Variants in FSBP observed in about 807,000 individuals in gnomAD.
FSBP encodes fibrinogen silencer binding protein.
FSBP carries 18 observed loss-of-function variants against 24.6 expected under a neutral mutation model. That is an observed-to-expected ratio of 0.73 (90% CI 0.51 to 1.08). The LOEUF (loss-of-function observed/expected upper bound fraction) is 1.08. Ranked by LOEUF, FSBP falls within the 50% of genes least tolerant of loss-of-function variation. The pLI, the probability that FSBP is intolerant of heterozygous loss-of-function variation, is 0.00. For synonymous variants in FSBP, 110 were observed against 125.8 expected (o/e 0.87, Z 0.84); for missense variants, 305 against 347.6 (o/e 0.88, Z 0.98).
Position 94,429,957 on chromosome 8 carries a change from A to C in FSBP, c.*2174T>G, listed in dbSNP as rs1380641812. The C allele has an allele frequency of 2.7e-5, 27 of 985,226 alleles. No homozygotes were observed. Among genetic ancestry groups the C allele is most frequent in the Non-Finnish European group, 3.3e-5 (27 of 829,916 alleles). The allele number at this position is 985,226 out of a possible 1,614,324, so 61.0% of individuals were successfully genotyped here. On this transcript the variant is annotated 3_prime_UTR_variant, in exon 2 of 2. Coordinates refer to ENST00000481490, the MANE Select transcript of FSBP (RefSeq NM_001256141.2). ...TCCTCCTAAATCACAACTATAATCA[A>C]ATTAGCCCTCTAATTCAAAGCATTC...
chr8:94,427,749 T>C lies in FSBP; in HGVS notation c.*4382A>G, dbSNP rs1811978705. The C allele has an allele frequency of 1.0e-6, 1 of 977,148 alleles. No individual in the cohort carries two copies. The highest frequency in any genetic ancestry group is 5.3e-4 in the Middle Eastern group (1 of 1,902). 60.5% of individuals were successfully genotyped at this position (977,148 alleles called of 1,614,324 possible). A position where few individuals can be genotyped will look rare whatever the true frequency, so the allele number is the denominator to read the frequency against. On this transcript the variant is annotated 3_prime_UTR_variant, in exon 2 of 2. Transcript: ENST00000481490. ...AGTATCTTGTATTTAAAAGAACATG[T>C]GTTAACAAAGCATTTAACCATCATT... is the stretch of plus-strand genomic sequence containing the variant.
intron 1 of FSBP, among the ~76,000 whole-genome samples, chr8:94,433,937 T>C (rs1429429046): frequency 6.6e-6 from 1 of 151,794 alleles, no homozygotes; most frequent in African/African-American, 2.4e-5. Flanking sequence ...ACTAATGCCA[T>C]TAAATTGCCA....
At chr8:94,434,769 AG>A (rs3136411) in intron 1 of FSBP, among the ~76,000 whole-genome samples, 15 of 151,832 alleles carry the variant, frequency 9.9e-5, no homozygotes, top group African/African-American at 3.6e-4. Flanking sequence ...AGAATTTAAA[AG>A]GCATGTTTCT....
chr8:94,436,460 C>T, intron 1 of FSBP, 35 bp downstream of exon 1: 3 of 1,494,840 alleles, frequency 2.0e-6, no homozygotes, highest in Non-Finnish European at 2.7e-6. Flanking sequence ...TAGGAGGCGC[C>T]ATAATTTTCC....
intron 1 of FSBP, among the ~76,000 whole-genome samples, chr8:94,434,640 CTT>C (rs1182603857): frequency 6.6e-6 from 1 of 151,400 alleles, no homozygotes; most frequent in Non-Finnish European, 1.5e-5. Flanking sequence ...TAATTATAAA[CTT>C]CTGAGATTAT....
Position 94,428,338 on chromosome 8 carries a change from C to G in FSBP, c.*3793G>C. 1 of 982,894 alleles carries G rather than the reference C, an allele frequency of 1.0e-6. No individual in the cohort carries two copies. The highest frequency in any genetic ancestry group is 1.2e-6 in the Non-Finnish European group (1 of 827,666). 60.9% of individuals were successfully genotyped at this position (982,894 alleles called of 1,614,324 possible). On this transcript the variant is annotated 3_prime_UTR_variant, in exon 2 of 2. Transcript: ENST00000481490. ...CAATTGTCTATGATATGCAAGATGT[C>G]TGGTGGCTTAAGTGTATAGTCATCC...
chr8:94,432,263 A>T lies in FSBP; in HGVS notation c.768T>A (p.Tyr256Ter). ...TCAATCCATCCCTCTTCTCCTGAAC[A>T]TACAATCCAAAATTTTTTTGATTTT... ...ILENQKNFGL[Y>*]VQEKRDGLKR... The change falls in exon 2 of 2, where the codon TAT becomes TAA. Residue 256 changes from tyrosine to a stop codon, truncating the protein, a stop_gained. Transcript: ENST00000481490. LOFTEE classifies it high-confidence loss of function. 1.3e-6 allele frequency: 2 copies of T among 1,550,326 alleles called. No individual in the cohort carries two copies. Among genetic ancestry groups the T allele is most frequent in the African/African-American group, 1.4e-5 (1 of 73,122 alleles).
chr8:94,433,647 A>G (rs191187671), intron 1 of FSBP, among the ~76,000 whole-genome samples: 11 of 151,982 alleles, frequency 7.2e-5, no homozygotes, highest in Non-Finnish European at 8.8e-5. Flanking sequence ...TTTTATAAAC[A>G]TAATTTTATG....
chr8:94,430,120 T>C lies in FSBP; in HGVS notation c.*2011A>G. ...CGAGGTCAGGAGATCAAGACCATCC[T>C]GGCTAACACAGTGAAACCCCGTCTC... On this transcript the variant is annotated 3_prime_UTR_variant, in exon 2 of 2. Coordinates refer to ENST00000481490, the MANE Select transcript of FSBP (RefSeq NM_001256141.2). 1.3e-6 allele frequency: 1 copy of C among 749,834 alleles called. No homozygotes were observed. The highest frequency in any genetic ancestry group is 6.1e-5 in the South Asian group (1 of 16,492). 46.4% of individuals were successfully genotyped at this position (749,834 alleles called of 1,614,324 possible).
At chr8:94,432,919 C>T (rs1812151415) in intron 1 of FSBP, among the ~76,000 whole-genome samples, 1 of 151,886 alleles carries the variant, frequency 6.6e-6, no homozygotes, top group African/African-American at 2.4e-5. Context: ...TTATAGAAGG[C>T]CAATGAAGAA....
At position 94,432,155 on chromosome 8, in the gene FSBP, A is replaced by G; in HGVS notation, c.876T>C (p.Asp292=). Residue 292 remains aspartate, a synonymous_variant, in exon 2 of 2, where the codon GAT becomes GAC. Transcript: ENST00000481490. The stretch of plus-strand genomic sequence containing the variant: ...CTTAGAGACTGTTATATTCAGGTAG[A>G]TCATGCCGTAAGCGAATTGCTTTCA... ...EKLKAIRLRH[D]LPEYNSL The G allele has an allele frequency of 6.5e-7, 1 of 1,549,994 alleles. No homozygotes were observed. Among genetic ancestry groups the G allele is most frequent in the East Asian group, 2.4e-5 (1 of 40,896 alleles).
At chr8:94,435,628 G>A (rs1026346010) in intron 1 of FSBP, among the ~76,000 whole-genome samples, 1 of 152,030 alleles carries the variant, frequency 6.6e-6, no homozygotes, top group African/African-American at 2.4e-5. Context: ...ATCTGAATTA[G>A]TGGCAAGATA....
rs573396265 is a variant in FSBP at position 94,429,848 on chromosome 8, A to G, written c.*2283T>C. 3.7e-4 allele frequency: 361 copies of G among 985,368 alleles called. No homozygotes were observed. Among genetic ancestry groups the G allele is most frequent in the Non-Finnish European group, 4.3e-4 (353 of 829,900 alleles). The allele number at this position is 985,368 out of a possible 1,614,324, so 61.0% of individuals were successfully genotyped here. A position where few individuals can be genotyped will look rare whatever the true frequency, so the allele number is the denominator to read the frequency against. On this transcript the variant is annotated 3_prime_UTR_variant, in exon 2 of 2. Transcript: ENST00000481490. Reference sequence around the variant, plus strand: ...GTCAACATGCTAAAATAGTACCTTGAGTTCATTTTTTTCTATTTCTATAGC... The same window carrying G: ...GTCAACATGCTAAAATAGTACCTTGGGTTCATTTTTTTCTATTTCTATAGC...
rs1023217179 is a variant in FSBP at position 94,432,417 on chromosome 8, G to A, written c.614C>T (p.Ser205Leu). ...SLSSVDMRMT[S>L]SPSSIPRRDD... ...TCTCCTTGGAATAGAAGATGGAGAC[G>A]ATGTCATTCTCATATCAACAGAGGA... Residue 205 changes from serine (S) to leucine (L), a missense_variant, in exon 2 of 2, where the codon TCG becomes TTG. Physicochemically the swap from Ser to Leu is moderately radical, Grantham distance 145 (BLOSUM62 -2). Coordinates refer to ENST00000481490, the MANE Select transcript of FSBP (RefSeq NM_001256141.2). 9 of 1,550,292 alleles carry A rather than the reference G, an allele frequency of 5.8e-6. 1 individual carries two copies. In the Admixed American group the frequency reaches 5.9e-5, roughly 10 times the overall value.
chr8:94,436,929 A>G lies in FSBP; in HGVS notation c.-61T>C. The G allele has an allele frequency of 6.9e-7, 1 of 1,456,864 alleles. No homozygotes were observed. The highest frequency in any genetic ancestry group is 9.0e-7 in the Non-Finnish European group (1 of 1,107,484). The allele number at this position is 1,456,864 out of a possible 1,614,324, so 90.2% of individuals were successfully genotyped here. A position where few individuals can be genotyped will look rare whatever the true frequency, so the allele number is the denominator to read the frequency against. ...CACCATGCAGCCTTCAGCTCTGCTC[A>G]GCTCTTTTCACAAACAGAAAAAGAT... On this transcript the variant is annotated 5_prime_UTR_variant, in exon 1 of 2. Transcript: ENST00000481490.
Position 94,429,668 on chromosome 8 carries a change from A to T in FSBP, c.*2463T>A. The T allele has an allele frequency of 1.0e-6, 1 of 983,526 alleles. No homozygotes were observed. Among genetic ancestry groups the T allele is most frequent in the Non-Finnish European group, 1.2e-6 (1 of 828,210 alleles). 60.9% of individuals were successfully genotyped at this position (983,526 alleles called of 1,614,324 possible). A position where few individuals can be genotyped will look rare whatever the true frequency, so the allele number is the denominator to read the frequency against. On this transcript the variant is annotated 3_prime_UTR_variant, in exon 2 of 2. Coordinates refer to ENST00000481490, the MANE Select transcript of FSBP (RefSeq NM_001256141.2). ...AATTAAGAATTACAAGATTCATTAGACTCAAAGAAAAGTCATAGCACAGAT... is the reference window on the plus strand; with the variant it reads ...AATTAAGAATTACAAGATTCATTAGTCTCAAAGAAAAGTCATAGCACAGAT...
In FSBP at chr8:94,432,386, A is replaced by G; in HGVS notation, c.645T>C (p.Asp215=). The change falls in exon 2 of 2, where the codon GAT becomes GAC. Residue 215 remains aspartate (D), a synonymous_variant. Coordinates refer to ENST00000481490, the MANE Select transcript of FSBP (RefSeq NM_001256141.2). ...GTTCACCACTCTCATGCCGAAAAAA[A>G]TCATCTCTCCTTGGAATAGAAGATG... The part of the protein sequence containing the change: ...SSPSSIPRRD[D]FFRHESGEHF... 6.4e-7 allele frequency: 1 copy of G among 1,550,462 alleles called. No individual in the cohort carries two copies. Among genetic ancestry groups the G allele is most frequent in the South Asian group, 1.2e-5 (1 of 84,054 alleles).
At chr8:94,433,209 T>C (rs544089222) in intron 1 of FSBP, among the ~76,000 whole-genome samples, 1 of 152,262 alleles carries the variant, frequency 6.6e-6, no homozygotes, top group African/African-American at 2.4e-5. Context: ...CTTTGGGATA[T>C]GCTCAACTAC....
rs1812098420 is a variant in FSBP, at chr8:94,431,632, A to C, written c.*499T>G. On this transcript the variant is annotated 3_prime_UTR_variant, in exon 2 of 2. Transcript: ENST00000481490. ...CCCTAAACTGCAGAGATGGAAAAAA[A>C]GTGTTCTCCAAATATCTTCCATCTC... 7 of 942,010 alleles carry C rather than the reference A, an allele frequency of 7.4e-6. No individual in the cohort carries two copies. The South Asian group carries it at 2.9e-4, about 40-fold the overall frequency. The allele number at this position is 942,010 out of a possible 1,614,324, so 58.4% of individuals were successfully genotyped here.
Sources: gnomAD v4.1 joint callset for allele counts (sites outside exome capture counted in the v4.1 genomes callset) on GRCh38, gnomAD v4.1.1 for gene constraint, MANE v1.5 for transcripts, NCBI Gene and HGNC (gene_info 2026-07-23, HGNC 2026-07-21) for gene names.